Variants in SRD5A2 observed in about 807,000 individuals in gnomAD.
SRD5A2 encodes steroid 5 alpha-reductase 2.
SRD5A2 carries 30 observed loss-of-function variants against 27.4 expected under a neutral mutation model. The observed-to-expected ratio is 1.10, with a 90% confidence interval of 0.82 to 1.49. The LOEUF (loss-of-function observed/expected upper bound fraction) is 1.49, where lower values mean the gene tolerates loss of function less well. SRD5A2 is among the 40% of genes most tolerant of loss of function. The pLI is 0.00. For synonymous variants in SRD5A2, 141 were observed against 133.6 expected (o/e 1.06, Z -0.38); for missense variants, 348 against 323.4 (o/e 1.08, Z -0.58).
chr2:31,625,193 T>A, the SRD5A2 span, among the ~76,000 whole-genome samples: 2 of 152,228 alleles, frequency 1.3e-5, no homozygotes, highest in African/African-American at 4.8e-5. Flanking sequence ...CTTTGCCCAC[T>A]TTTTGATGGG....
chr2:31,580,711 G>A lies in SRD5A2; in HGVS notation c.190C>T (p.Pro64Ser). 6.2e-7 allele frequency: 1 copy of A among 1,605,042 alleles called. No individual in the cohort carries two copies. The highest frequency in any genetic ancestry group is 8.5e-7 in the Non-Finnish European group (1 of 1,178,978). The change falls in exon 1 of 5, where the codon CCC becomes TCC. Residue 64 changes from proline (P) to serine (S), a missense_variant. Coordinates refer to ENST00000622030, the MANE Select transcript of SRD5A2 (RefSeq NM_000348.4). The stretch of plus-strand genomic sequence containing the variant: ...GGCTGCCGGGCGAGGATCCCCGCGG[G>A]CACCGCGAAGGAAGGCAGCTCCTGC... The part of the protein sequence containing the change: ...FLQELPSFAV[P>S]AGILARQPLS...
At chr2:31,540,441 G>C (rs899410599) in intron 1 of SRD5A2, among the ~76,000 whole-genome samples, 4 of 152,110 alleles carry the variant, frequency 2.6e-5, no homozygotes, top group African/African-American at 9.7e-5. Flanking sequence ...ACAATAGGTT[G>C]ATGACAAGAA....
rs1241449246 is a variant in SRD5A2 at position 31,524,415 on chromosome 2, C to T, written c.*1781G>A. 4.4e-6 allele frequency: 1 copy of T among 227,914 alleles called. No homozygotes were observed. The highest frequency in any genetic ancestry group is 8.7e-6 in the Non-Finnish European group (1 of 114,798). The allele number at this position is 227,914 out of a possible 1,614,324, so 14.1% of individuals were successfully genotyped here. On this transcript the variant is annotated 3_prime_UTR_variant, in exon 5 of 5. Transcript: ENST00000622030. ...CTGTATAAGTCATACTTCTTTATTT[C>T]CAGCACACAGCCCCTAATTTCATGA...
chr2:31,533,798 C>T (rs2148067036), intron 1 of SRD5A2, 32 bp from the exon 2 acceptor site: 2 of 1,583,064 alleles, frequency 1.3e-6, no homozygotes, highest in East Asian at 2.3e-5. Context: ...GGTTAGGATT[C>T]ACTGTTAAAA....
intron 1 of SRD5A2, among the ~76,000 whole-genome samples, chr2:31,565,335 A>G (rs1478839374): frequency 6.6e-6 from 1 of 151,970 alleles, no homozygotes; most frequent in African/African-American, 2.4e-5. Flanking sequence ...CATAATTCAA[A>G]CTGTATAAAT....
At chr2:31,609,535 T>C in the SRD5A2 span, among the ~76,000 whole-genome samples, 1 of 152,236 alleles carries the variant, frequency 6.6e-6, no homozygotes, top group South Asian at 2.1e-4. Context: ...TTTTAACAAA[T>C]GATGTTGGTA....
intron 1 of SRD5A2, among the ~76,000 whole-genome samples, chr2:31,577,392 C>G (rs181331114): frequency 1.3e-5 from 2 of 152,012 alleles, no homozygotes; most frequent in Admixed American, 1.3e-4. Context: ...TCTGTCTGTA[C>G]GGTTGTTGTA....
upstream of SRD5A2, among the ~76,000 whole-genome samples, chr2:31,585,826 T>C (rs1667166620): frequency 6.6e-6 from 1 of 152,088 alleles, no homozygotes; most frequent in South Asian, 2.1e-4. Context: ...GGAAGCCCAC[T>C]GCCCCAAAGA....
At chr2:31,658,899 C>CAG in the SRD5A2 span, among the ~76,000 whole-genome samples, 1,423 of 152,146 alleles carry the variant, frequency 9.4e-3, 21 homozygotes, top group African/African-American at 0.033. Context: ...TGAAACCTGG[C>CAG]AGAGACACAA....
At chr2:31,615,963 C>T in the SRD5A2 span, among the ~76,000 whole-genome samples, 5 of 152,156 alleles carry the variant, frequency 3.3e-5, no homozygotes, top group African/African-American at 1.2e-4. Flanking sequence ...GTTCAAGTAC[C>T]AAGCCTTGGC....
chr2:31,540,938 G>C (rs975540058), intron 1 of SRD5A2, among the ~76,000 whole-genome samples: 1 of 152,140 alleles, frequency 6.6e-6, no homozygotes, highest in Non-Finnish European at 1.5e-5. Flanking sequence ...AAGAGGTGGT[G>C]GGTCTTTGCT....
intron 1 of SRD5A2, among the ~76,000 whole-genome samples, chr2:31,571,761 GA>G (rs1416268973): frequency 6.6e-6 from 1 of 152,254 alleles, no homozygotes; most frequent in South Asian, 2.1e-4. Flanking sequence ...ACAAGGATAT[GA>G]AAAAATGCTC....
At chr2:31,622,764 A>G in the SRD5A2 span, among the ~76,000 whole-genome samples, 122 of 152,074 alleles carry the variant, frequency 8.0e-4, no homozygotes, top group Non-Finnish European at 1.6e-3. Context: ...GGCTTTGGGA[A>G]GTGCTGTGGC....
At chr2:31,647,860 C>A in the SRD5A2 span, among the ~76,000 whole-genome samples, 12 of 152,102 alleles carry the variant, frequency 7.9e-5, no homozygotes, top group Non-Finnish European at 1.3e-4. Context: ...TTTAAAGAAA[C>A]AAATGTATAA....
the SRD5A2 span, among the ~76,000 whole-genome samples, chr2:31,653,722 C>T: frequency 2.8e-4 from 42 of 152,134 alleles, no homozygotes; most frequent in East Asian, 7.2e-3. Flanking sequence ...TGCAACAGTG[C>T]GATCTCAGCT....
At chr2:31,647,706 A>G in the SRD5A2 span, among the ~76,000 whole-genome samples, 1 of 152,222 alleles carries the variant, frequency 6.6e-6, no homozygotes, top group African/African-American at 2.4e-5. Context: ...GTGTCCTTCC[A>G]GAAGTGCTCT....
At chr2:31,626,084 G>T in the SRD5A2 span, among the ~76,000 whole-genome samples, 2 of 152,264 alleles carry the variant, frequency 1.3e-5, no homozygotes, top group East Asian at 3.9e-4. Context: ...CACATCCCTT[G>T]TAAGTTGGAT....
chr2:31,607,231 C>T, the SRD5A2 span, among the ~76,000 whole-genome samples: 2 of 151,780 alleles, frequency 1.3e-5, no homozygotes, highest in African/African-American at 4.8e-5. Flanking sequence ...AAAAAGTTTG[C>T]AAGGAAATAA....
At chr2:31,659,288 C>T in the SRD5A2 span, among the ~76,000 whole-genome samples, 5 of 152,118 alleles carry the variant, frequency 3.3e-5, no homozygotes, top group African/African-American at 1.2e-4. Flanking sequence ...AGGATGCCCA[C>T]TCTCAGAACT....
Sources: allele counts gnomAD v4.1 joint callset (sites outside exome capture counted in the v4.1 genomes callset), GRCh38; gene constraint gnomAD v4.1.1; transcripts MANE v1.5; gene names NCBI Gene and HGNC (gene_info 2026-07-23, HGNC 2026-07-21).